ZNF687: variants seen among roughly 807,000 people sequenced by gnomAD.
ZNF687 encodes zinc finger protein 687.
A neutral mutation model predicts 71.8 loss-of-function variants in ZNF687; 13 were observed. That is an observed-to-expected ratio of 0.18 (90% confidence interval 0.12 to 0.29). The LOEUF is 0.29. Among genes scored for constraint, ZNF687 ranks in the 10% least tolerant of loss-of-function variants. The pLI is 1.00. For missense variants in ZNF687, 1,412 were observed against 1,625.6 expected, an observed-to-expected ratio of 0.87 and a Z score of 2.26; for synonymous variants, 673 against 641.6, an observed-to-expected ratio of 1.05 and a Z score of -0.74.
At chr1:151,282,017 G>A, upstream of ZNF687, 2 of 1,257,580 alleles carry the variant, frequency 1.6e-6, no homozygotes, top group Non-Finnish European at 2.1e-6. Context: ...CAGTGGCGGA[G>A]GCCAATCGTT....
Position 151,290,889 on chromosome 1 carries a change from G to A in ZNF687, c.3394G>A (p.Asp1132Asn), listed in dbSNP as rs780253836. 1 of 1,614,070 alleles carries A rather than the reference G, an allele frequency of 6.2e-7. No homozygotes were observed. The highest frequency in any genetic ancestry group is 1.1e-5 in the South Asian group (1 of 91,084). Residue 1132 changes from aspartate (D) to asparagine (N), a missense_variant, in exon 9 of 9, where the codon GAT becomes AAT. Transcript: ENST00000336715. ...QSLMMGLRVE[D>N]GAQQCLDCGL... The stretch of plus-strand genomic sequence containing the variant: ...CCTCATGATGGGGTTGAGGGTGGAG[G>A]ATGGTGCCCAGCAGTGCCTCGACTG...
intron 3 of ZNF687, 84 bp downstream of exon 3, chr1:151,288,790 C>T (rs1694066525): frequency 1.4e-6 from 2 of 1,435,278 alleles, no homozygotes; most frequent in Admixed American, 2.1e-5. Context: ...GATCCCCTAT[C>T]TTCCCTGCTA....
rs755418434 is a variant in ZNF687, at chr1:151,290,143, C to T, written c.2986C>T (p.Arg996Cys). The part of the protein sequence containing the change: ...HGKSVKKFPC[R>C]LCERSFCSAP... ...CTAGTCAGTGAAAAAGTTCCCCTGT[C>T]GCCTGTGTGAGCGCTCCTTCTGCTC... The change falls in exon 7 of 9, where the codon CGC becomes TGC. Residue 996 changes from arginine to cysteine, a missense_variant. Physicochemically the swap from Arg to Cys is radical, Grantham distance 180 (BLOSUM62 -3). Coordinates refer to ENST00000336715, the MANE Select transcript of ZNF687 (RefSeq NM_020832.3). 19 of 1,613,934 alleles carry T rather than the reference C, an allele frequency of 1.2e-5. No homozygotes were observed. The highest frequency in any genetic ancestry group is 1.2e-5 in the Non-Finnish European group (14 of 1,180,022).
At chr1:151,290,633 C>T in intron 8 of ZNF687, 60 bp downstream of exon 8, 2 of 1,585,470 alleles carry the variant, frequency 1.3e-6, no homozygotes, top group South Asian at 2.3e-5. Context: ...AAGGCAGAGA[C>T]CATGGCCTCA....
rs149133961 is a variant in ZNF687, at chr1:151,291,344, A to G, written c.*135A>G. The G allele has an allele frequency of 4.1e-6, 5 of 1,217,622 alleles. No individual in the cohort carries two copies. Among genetic ancestry groups the G allele is most frequent in the Non-Finnish European group, 3.3e-6 (3 of 900,048 alleles). The allele number at this position is 1,217,622 out of a possible 1,614,324, so 75.4% of individuals were successfully genotyped here. A position where few individuals can be genotyped will look rare whatever the true frequency, so the allele number is the denominator to read the frequency against. ...TCCTGTCTCTCCAACCTGAAGAAGAAGAGCATTTGAGGATTATTCTAGTTA... is the reference window on the plus strand; with the variant it reads ...TCCTGTCTCTCCAACCTGAAGAAGAGGAGCATTTGAGGATTATTCTAGTTA... On this transcript the variant is annotated 3_prime_UTR_variant, in exon 9 of 9. Transcript: ENST00000336715.
intron 1 of ZNF687, among the ~76,000 whole-genome samples, chr1:151,282,674 C>T (rs1448520659): frequency 1.3e-5 from 2 of 152,186 alleles, no homozygotes; most frequent in African/African-American, 4.8e-5. Flanking sequence ...GAAGTGCGGC[C>T]CGGAGATTGA....
chr1:151,291,652 G>GC lies in ZNF687; in HGVS notation c.*448dup, dbSNP rs1694259282. On this transcript the variant is annotated 3_prime_UTR_variant, in exon 9 of 9. Coordinates refer to ENST00000336715, the MANE Select transcript of ZNF687 (RefSeq NM_020832.3). Reference sequence around the variant, plus strand: ...TGCCCTAGTGCCCACCCCCGCCCCCGCCCCCGCCCAACCCCAACTCACTGG... The same window carrying GC: ...TGCCCTAGTGCCCACCCCCGCCCCCGCCCCCCGCCCAACCCCAACTCACTGG... 1 of 147,148 alleles carries GC rather than the reference G, an allele frequency of 6.8e-6. No homozygotes were observed. Among genetic ancestry groups the GC allele is most frequent in the Non-Finnish European group, 1.5e-5 (1 of 66,918 alleles). 9.1% of individuals were successfully genotyped at this position (147,148 alleles called of 1,614,324 possible). A position where few individuals can be genotyped will look rare whatever the true frequency, so the allele number is the denominator to read the frequency against.
rs1253668705 is a variant in ZNF687, at chr1:151,286,554, A to G, written c.263A>G (p.Asn88Ser). Residue 88 changes from asparagine (N) to serine (S), a missense_variant, in exon 2 of 9, where the codon AAC becomes AGC. Transcript: ENST00000336715. ...TCTGTAGTCAGTGTCATTGTCAAGA[A>G]CACTGTGTGTCCCGAGCAGTCTGAG... ...DISVVSVIVK[N>S]TVCPEQSEAL... The G allele has an allele frequency of 6.2e-7, 1 of 1,614,236 alleles. No individual in the cohort carries two copies. Among genetic ancestry groups the G allele is most frequent in the Admixed American group, 1.7e-5 (1 of 60,030 alleles).
At position 151,289,697 on chromosome 1, in the gene ZNF687, G is replaced by T; in HGVS notation, c.2654G>T (p.Arg885Leu). ...EHLKNTHQSGRLEETAGKGAG... is the reference protein window; with the variant it reads ...EHLKNTHQSGLLEETAGKGAG... ...TCACAGAACACCCATCAGTCTGGGC[G>T]CTTGGAGGAGACTGCTGGGAAAGGG... The change falls in exon 6 of 9, where the codon CGC becomes CTC. Residue 885 changes from arginine (R) to leucine (L), a missense_variant. This residue lies in a region of ZNF687 where 106 missense variants were observed against 146.0 expected (regional missense o/e 0.73). Transcript: ENST00000336715. The T allele has an allele frequency of 6.4e-7, 1 of 1,566,462 alleles. No homozygotes were observed. The highest frequency in any genetic ancestry group is 8.7e-7 in the Non-Finnish European group (1 of 1,154,380).
rs764580655 is a variant in ZNF687 at position 151,289,271 on chromosome 1, A to G, written c.2471A>G (p.Lys824Arg). The G allele has an allele frequency of 6.2e-7, 1 of 1,613,690 alleles. No individual in the cohort carries two copies. The highest frequency in any genetic ancestry group is 8.5e-7 in the Non-Finnish European group (1 of 1,179,814). The change falls in exon 4 of 9, where the codon AAG becomes AGG. Residue 824 changes from lysine to arginine, a missense_variant and splice_region_variant. By Grantham distance (26) the Lys-to-Arg change is conservative. Coordinates refer to ENST00000336715, the MANE Select transcript of ZNF687 (RefSeq NM_020832.3). ...QHPSFQTQQA[K>R]LIYKCAMCDT... ...CCCAGCTTCCAAACTCAGCAGGCCAAGTGAGGCCCGGGGGAGGGCCGGGCT... is the reference window on the plus strand; with the variant it reads ...CCCAGCTTCCAAACTCAGCAGGCCAGGTGAGGCCCGGGGGAGGGCCGGGCT...
rs750727381 is a variant in ZNF687 at position 151,287,368 on chromosome 1, G to T, written c.1077G>T (p.Leu359Phe). 1 of 1,614,166 alleles carries T rather than the reference G, an allele frequency of 6.2e-7. No individual in the cohort carries two copies. Among genetic ancestry groups the T allele is most frequent in the South Asian group, 1.1e-5 (1 of 91,082 alleles). Residue 359 changes from leucine to phenylalanine, a missense_variant, in exon 2 of 9, where the codon TTG becomes TTT. Coordinates refer to ENST00000336715, the MANE Select transcript of ZNF687 (RefSeq NM_020832.3). The surrounding 1 kb of genome is among the most constrained non-coding windows in gnomAD (Gnocchi z 5.0). ...VPSDPDPPAP[L>F]AEGAFLAEAS... ...CAGATCCTGATCCACCTGCCCCCTT[G>T]GCTGAGGGGGCCTTCTTGGCTGAGG...
chr1:151,287,824 C>G lies in ZNF687; in HGVS notation c.1533C>G (p.Leu511=). The change falls in exon 2 of 9, where the codon CTC becomes CTG. Residue 511 remains leucine, a synonymous_variant. Coordinates refer to ENST00000336715, the MANE Select transcript of ZNF687 (RefSeq NM_020832.3). This position sits in a 1 kb window ranked among gnomAD's most constrained non-coding sequence, Gnocchi z 5.0. ...AGATCCTCAACAGCAAGAACCTGCT[C>G]CCTGCCTATAGGCCAAACCTGAGCC... ...FNKILNSKNL[L]PAYRPNLSPP... is the part of the protein sequence containing the mutation. 1 of 1,614,066 alleles carries G rather than the reference C, an allele frequency of 6.2e-7. No homozygotes were observed. The highest frequency in any genetic ancestry group is 8.5e-7 in the Non-Finnish European group (1 of 1,180,018).
intron 3 of ZNF687, 93 bp from the exon 4 acceptor site, chr1:151,289,002 A>T: frequency 7.3e-7 from 1 of 1,370,660 alleles, no homozygotes; most frequent in Non-Finnish European, 1.0e-6. Flanking sequence ...TCCTTCTTGT[A>T]GTCTACCCAG....
At position 151,290,445 on chromosome 1, in the gene ZNF687, G is replaced by A; in HGVS notation, c.3091G>A (p.Gly1031Arg). ...RVYPCRYCTE[G>R]KRTFSSRLIL... ...CTCCCATTTCAGGTATTGCACAGAGGGAAAACGCACCTTCAGCAGCCGCCT... is the reference window on the plus strand; with the variant it reads ...CTCCCATTTCAGGTATTGCACAGAGAGAAAACGCACCTTCAGCAGCCGCCT... Residue 1031 changes from glycine to arginine, a missense_variant, in exon 8 of 9, where the codon GGA becomes AGA. Gly to Arg is a moderately radical substitution (Grantham distance 125). Transcript: ENST00000336715. 6.2e-7 allele frequency: 1 copy of A among 1,613,912 alleles called. No individual in the cohort carries two copies. Among genetic ancestry groups the A allele is most frequent in the Non-Finnish European group, 8.5e-7 (1 of 1,180,030 alleles).
chr1:151,288,825 C>G, intron 3 of ZNF687, 119 bp downstream of exon 3: 3 of 1,276,792 alleles, frequency 2.3e-6, no homozygotes, highest in Non-Finnish European at 3.3e-6. Context: ...GTTGTTTTGC[C>G]AGACTCAACC....
chr1:151,287,206 C>T lies in ZNF687; in HGVS notation c.915C>T (p.Pro305=), dbSNP rs1165565785. 12 of 1,614,178 alleles carry T rather than the reference C, an allele frequency of 7.4e-6. No individual in the cohort carries two copies. The Admixed American group carries it at 8.3e-5, about 11-fold the overall frequency. The change falls in exon 2 of 9, where the codon CCC becomes CCT. Residue 305 remains proline, a synonymous_variant. Coordinates refer to ENST00000336715, the MANE Select transcript of ZNF687 (RefSeq NM_020832.3). This position sits in a 1 kb window ranked among gnomAD's most constrained non-coding sequence, Gnocchi z 5.0. ...CTTCCCCAGGAAGTCCCCAGAGTCCCTCTAGTGGGGCCGAGGCTGCAGATG... is the reference window on the plus strand; with the variant it reads ...CTTCCCCAGGAAGTCCCCAGAGTCCTTCTAGTGGGGCCGAGGCTGCAGATG... ...DKSSPGSPQS[P]SSGAEAADED...
chr1:151,283,408 C>T (rs1277587115), intron 1 of ZNF687: 73 of 709,960 alleles, frequency 1.0e-4, no homozygotes, highest in East Asian at 1.3e-4. Context: ...GGAAAGGGGG[C>T]GGGGGAGATA....
chr1:151,289,615 G>C (rs879568442), intron 5 of ZNF687, 63 bp from the exon 6 acceptor site: 2 of 1,605,722 alleles, frequency 1.2e-6, no homozygotes, highest in Admixed American at 3.4e-5. Flanking sequence ...CTTCAGAAGT[G>C]GGGGGCTTTG....
rs1199587716 is a variant in ZNF687 at position 151,290,697 on chromosome 1, T to C, written c.3220-18T>C. On this transcript the variant is annotated intron_variant, in intron 8 of 8. Transcript: ENST00000336715. ...GTAGGGGTGGTGGTAAGGCCCAGTTTCTTCCACTTTTCTTCAGGGGCCAGG... is the reference window on the plus strand; with the variant it reads ...GTAGGGGTGGTGGTAAGGCCCAGTTCCTTCCACTTTTCTTCAGGGGCCAGG... The C allele has an allele frequency of 6.3e-7, 1 of 1,588,216 alleles. No homozygotes were observed. Among genetic ancestry groups the C allele is most frequent in the East Asian group, 2.2e-5 (1 of 44,630 alleles).
Sources: gnomAD v4.1 joint callset for allele counts (sites outside exome capture counted in the v4.1 genomes callset) on GRCh38, gnomAD v4.1.1 for gene constraint, gnomAD v4.1.1 regional missense constraint, Gnocchi (gnomAD v3.1) non-coding constraint, MANE v1.5 for transcripts, NCBI Gene and HGNC (gene_info 2026-07-23, HGNC 2026-07-21) for gene names.